Variants in DCDC2C observed in about 807,000 individuals in gnomAD.
The protein encoded by DCDC2C is doublecortin domain containing 2C.
DCDC2C carries 44 observed loss-of-function variants against 45.0 expected under a neutral mutation model. The observed-to-expected ratio is 0.98, with a 90% CI of 0.77 to 1.26. DCDC2C has a LOEUF of 1.26. Among genes scored for constraint, DCDC2C ranks in the 50% most tolerant of loss-of-function variants. The pLI is 0.00. For missense variants in DCDC2C, 447 were observed against 468.9 expected (o/e 0.95, Z 0.43); for synonymous variants, 187 against 178.8 (o/e 1.05, Z -0.37).
chr2:3,785,725 A>C (rs1197332289), intron 10 of DCDC2C, among the ~76,000 whole-genome samples: 2 of 152,118 alleles, frequency 1.3e-5, no homozygotes, highest in Non-Finnish European at 2.9e-5. Context: ...GATGACAGTG[A>C]TTTTTGTCTG....
rs535090540 is a variant in DCDC2C, at chr2:3,734,540, G to A, written c.417-7380G>A. ...TGTGAGGGGGAAAGCAGTAGATTTC[G>A]TAAGAGGGAAGTTTAGCCACAGAGA... On this transcript the variant is annotated intron_variant, in intron 3 of 10. Coordinates refer to ENST00000399143, the MANE Select transcript of DCDC2C (RefSeq NM_001287444.2). The surrounding 1 kb of genome is among the most constrained non-coding windows in gnomAD (Gnocchi z 4.2). Among the ~76,000 whole-genome samples, 57 of 152,286 alleles carry A rather than the reference G, an allele frequency of 3.7e-4. 1 individual carries two copies. The highest frequency in any genetic ancestry group is 1.3e-3 in the African/African-American group (52 of 41,542).
At chr2:3,747,085 C>T (rs775198647) in intron 4 of DCDC2C, among the ~76,000 whole-genome samples, 6 of 152,164 alleles carry the variant, frequency 3.9e-5, no homozygotes, top group Admixed American at 6.5e-5. Flanking sequence ...CTGGTGGCTA[C>T]ATGCAGAGTT....
chr2:3,716,283 G>C (rs970178311), intron 2 of DCDC2C, among the ~76,000 whole-genome samples: 24 of 152,172 alleles, frequency 1.6e-4, no homozygotes, highest in African/African-American at 5.8e-4. Flanking sequence ...GGAGCAGAGA[G>C]GGCTGGAGAA....
At chr2:3,829,008 A>C (rs17018111) in intron 10 of DCDC2C, among the ~76,000 whole-genome samples, 2,091 of 152,272 alleles carry the variant, frequency 0.014, 42 homozygotes, top group African/African-American at 0.045. Flanking sequence ...CAAGAAACCA[A>C]AAAATACCAA....
chr2:3,797,193 T>C (rs112297066), intron 10 of DCDC2C, among the ~76,000 whole-genome samples: 14,890 of 152,046 alleles, frequency 0.098, 886 homozygotes, highest in East Asian at 0.28. Context: ...GTAGTTTGTA[T>C]TTCTGTAGGA....
intron 2 of DCDC2C, among the ~76,000 whole-genome samples, chr2:3,712,165 T>G (rs1668228770): frequency 6.6e-6 from 1 of 152,062 alleles, no homozygotes; most frequent in Non-Finnish European, 1.5e-5. Context: ...AACTCTGCTG[T>G]GCCTGGAGGG....
intron 10 of DCDC2C, among the ~76,000 whole-genome samples, chr2:3,790,821 G>A (rs767781149): frequency 6.6e-6 from 1 of 152,104 alleles, no homozygotes; most frequent in Non-Finnish European, 1.5e-5. Context: ...AAATTATTTG[G>A]TTCTAGGCCG....
chr2:3,754,005 GTTCT>G (rs1669615470), intron 5 of DCDC2C, among the ~76,000 whole-genome samples: 1 of 152,146 alleles, frequency 6.6e-6, no homozygotes, highest in African/African-American at 2.4e-5. Flanking sequence ...GAGTTGAGTC[GTTCT>G]TTCTATCTGC....
At chr2:3,779,763 T>C (rs1350500753) in intron 9 of DCDC2C, among the ~76,000 whole-genome samples, 2 of 141,062 alleles carry the variant, frequency 1.4e-5, no homozygotes, top group East Asian at 4.3e-4. Context: ...CTCGCAGCCT[T>C]GCCGGGAGTC....
intron 2 of DCDC2C, among the ~76,000 whole-genome samples, chr2:3,718,102 C>G (rs1052735917): frequency 1.3e-5 from 2 of 152,214 alleles, no homozygotes; most frequent in East Asian, 3.9e-4. Context: ...TGGTGTTGGT[C>G]TTTTCCACCA....
In DCDC2C at chr2:3,703,847, G is replaced by A. The variant is rs771608602; in HGVS notation, c.96G>A (p.Lys32=). 2.7e-5 allele frequency: 34 copies of A among 1,282,206 alleles called. No individual in the cohort carries two copies. Among genetic ancestry groups the A allele is most frequent in the Non-Finnish European group, 3.3e-5 (33 of 1,010,100 alleles). The allele number at this position is 1,282,206 out of a possible 1,614,324, so 79.4% of individuals were successfully genotyped here. The change falls in exon 1 of 11, where the codon AAG becomes AAA. Residue 32 remains lysine, a synonymous_variant. Coordinates refer to ENST00000399143, the MANE Select transcript of DCDC2C (RefSeq NM_001287444.2). This position sits in a 1 kb window ranked among gnomAD's most constrained non-coding sequence, Gnocchi z 4.4. ...RNGDPFYVGK[K]FVLSRRRAAT... is the part of the protein sequence containing the mutation. ...GGGACCCGTTCTACGTGGGCAAGAA[G>A]TTCGTGCTGTCGCGGCGCCGCGCGG... is the stretch of plus-strand genomic sequence containing the variant.
chr2:3,773,430 A>G (rs1337681230), intron 8 of DCDC2C, among the ~76,000 whole-genome samples: 1 of 152,152 alleles, frequency 6.6e-6, no homozygotes, highest in Non-Finnish European at 1.5e-5. Context: ...GCGGGGGTGC[A>G]TGGCCTGTGT....
intron 6 of DCDC2C, among the ~76,000 whole-genome samples, chr2:3,756,022 G>A (rs1669704918): frequency 6.6e-6 from 1 of 151,124 alleles, no homozygotes; most frequent in Admixed American, 6.6e-5. Flanking sequence ...ATGCACGTGT[G>A]TGTATGGATG....
chr2:3,797,217 C>A (rs1044494833), intron 10 of DCDC2C, among the ~76,000 whole-genome samples: 8 of 152,084 alleles, frequency 5.3e-5, no homozygotes, highest in African/African-American at 1.7e-4. Flanking sequence ...GTGGTGATAT[C>A]CCCTTTATCA....
intron 5 of DCDC2C, among the ~76,000 whole-genome samples, chr2:3,753,456 C>A (rs1296719523): frequency 6.6e-6 from 1 of 151,972 alleles, no homozygotes; most frequent in African/African-American, 2.4e-5. Flanking sequence ...CTGTGGGATT[C>A]TTCATCCTCA....
rs1667949894 is a variant in DCDC2C, at chr2:3,703,925, C to T, written c.174C>T (p.Phe58=). 4 of 1,335,240 alleles carry T rather than the reference C, an allele frequency of 3.0e-6. No homozygotes were observed. The highest frequency in any genetic ancestry group is 1.9e-5 in the South Asian group (1 of 52,714). The allele number at this position is 1,335,240 out of a possible 1,614,324, so 82.7% of individuals were successfully genotyped here. A position where few individuals can be genotyped will look rare whatever the true frequency, so the allele number is the denominator to read the frequency against. Residue 58 remains phenylalanine (F), a synonymous_variant, in exon 1 of 11, where the codon TTC becomes TTT. Coordinates refer to ENST00000399143, the MANE Select transcript of DCDC2C (RefSeq NM_001287444.2). This position sits in a 1 kb window ranked among gnomAD's most constrained non-coding sequence, Gnocchi z 4.4. ...EQLTEQVDVP[F]GVRRLFTPTR... is the part of the protein sequence containing the mutation. Reference sequence around the variant, plus strand: ...TCACGGAGCAGGTGGACGTCCCGTTCGGCGTGCGCCGCCTCTTCACGCCCA... The same window carrying T: ...TCACGGAGCAGGTGGACGTCCCGTTTGGCGTGCGCCGCCTCTTCACGCCCA...
chr2:3,801,304 G>C (rs893584956), intron 10 of DCDC2C, among the ~76,000 whole-genome samples: 1 of 152,182 alleles, frequency 6.6e-6, no homozygotes, highest in Non-Finnish European at 1.5e-5. Flanking sequence ...ACCTATGTAC[G>C]TAACCTGTCC....
intron 10 of DCDC2C, among the ~76,000 whole-genome samples, chr2:3,810,500 G>A (rs1671368256): frequency 2.0e-5 from 3 of 152,168 alleles, no homozygotes; most frequent in Non-Finnish European, 2.9e-5. Flanking sequence ...TGTCAGATGG[G>A]TAGATTGCAA....
At chr2:3,776,707 A>G (rs10192699) in intron 8 of DCDC2C, among the ~76,000 whole-genome samples, 51,171 of 151,986 alleles carry the variant, frequency 0.34, 8,743 homozygotes, top group South Asian at 0.45. Flanking sequence ...AAAATTCTGT[A>G]TCACCCCAGT....
Sources: allele counts gnomAD v4.1 joint callset (sites outside exome capture counted in the v4.1 genomes callset), GRCh38; gene constraint gnomAD v4.1.1; non-coding constraint Gnocchi (gnomAD v3.1); transcripts MANE v1.5; gene names NCBI Gene and HGNC (gene_info 2026-07-23, HGNC 2026-07-21).